The following MLLT6 variants were observed in gnomAD, a reference collection of about 807,000 sequenced individuals.
MLLT6 encodes the protein MLLT6, PHD finger containing, also known as protein AF-17.
Under a neutral mutation model 103.0 loss-of-function variants are expected in MLLT6, and 22 were observed. That is an observed-to-expected ratio of 0.21 (90% CI 0.15 to 0.31). The LOEUF is 0.31. Ranked by LOEUF, MLLT6 falls within the 10% of genes least tolerant of loss-of-function variation. MLLT6 has a pLI of 1.00. For missense variants in MLLT6, 1,199 were observed against 1,441.7 expected (o/e 0.83, Z 2.73); for synonymous variants, 606 against 623.5 (o/e 0.97, Z 0.42).
At position 38,720,513 on chromosome 17, in the gene MLLT6, C is replaced by T. The variant is rs1343118877; in HGVS notation, c.2297C>T (p.Ala766Val). The change falls in exon 15 of 20, where the codon GCT becomes GTT. Residue 766 changes from alanine (A) to valine (V), a missense_variant. Ala to Val is a moderately conservative substitution (Grantham distance 64). Coordinates refer to ENST00000621332, the MANE Select transcript of MLLT6 (RefSeq NM_005937.4). ...QLSVPFPALPAALPAANGPVP... is the reference protein window; with the variant it reads ...QLSVPFPALPVALPAANGPVP... ...TCTGTGCCCTTCCCTGCCCTGCCTG[C>T]TGCCCTGCCTGCCGCCAACGGCCCT... 2 of 1,612,022 alleles carry T rather than the reference C, an allele frequency of 1.2e-6. No homozygotes were observed. Among genetic ancestry groups the T allele is most frequent in the Admixed American group, 1.7e-5 (1 of 59,842 alleles).
rs757404801 is a variant in MLLT6 at position 38,726,588 on chromosome 17, T to C, written c.*990T>C. On this transcript the variant is annotated 3_prime_UTR_variant, in exon 20 of 20. Transcript: ENST00000621332. ...CAAACACCAGAGCAGTACTCCAATA[T>C]TGGAGAGTCGCTGGGGGCACAGGGC... The C allele has an allele frequency of 6.0e-5, 14 of 233,782 alleles. No individual in the cohort carries two copies. Among genetic ancestry groups the C allele is most frequent in the Admixed American group, 4.5e-4 (8 of 17,800 alleles). 14.5% of individuals were successfully genotyped at this position (233,782 alleles called of 1,614,324 possible).
At chr17:38,713,093 C>G (rs749405002) in intron 8 of MLLT6, 1 of 746,852 alleles carries the variant, frequency 1.3e-6, no homozygotes, top group African/African-American at 1.7e-5. Context: ...GGCACTCAGG[C>G]CTGCTCTCCA....
chr17:38,721,910 C>CTCG lies in MLLT6; in HGVS notation c.2479_2481dup (p.Ser827dup). 2 of 1,576,512 alleles carry CTCG rather than the reference C, an allele frequency of 1.3e-6. No individual in the cohort carries two copies. Among genetic ancestry groups the CTCG allele is most frequent in the Admixed American group, 1.7e-5 (1 of 57,638 alleles). On this transcript the variant is annotated inframe_insertion, in exon 17 of 20. Transcript: ENST00000621332. ...ACTCAGGCTGCCCGAGCCGCAGCAG[C>CTCG]TCGTCGCTGTCCTTCCACAGCACGC...
chr17:38,722,158 C>T lies in MLLT6; in HGVS notation c.2723C>T (p.Ala908Val), dbSNP rs1473862630. ...GLLGGLNGAA[A>V]PNPASLSQAG... Reference sequence around the variant, plus strand: ...CTTGGGGGGTTGAATGGGGCCGCTGCCCCCAACCCCGCAAGCTTGAGCCAG... The same window carrying T: ...CTTGGGGGGTTGAATGGGGCCGCTGTCCCCAACCCCGCAAGCTTGAGCCAG... Residue 908 changes from alanine (A) to valine (V), a missense_variant, in exon 17 of 20, where the codon GCC (alanine) becomes GTC (valine). Transcript: ENST00000621332. 5.8e-6 allele frequency: 8 copies of T among 1,371,030 alleles called. No individual in the cohort carries two copies. In the Admixed American group the frequency reaches 2.9e-4, roughly 49 times the overall value. The allele number at this position is 1,371,030 out of a possible 1,614,324, so 84.9% of individuals were successfully genotyped here. A position where few individuals can be genotyped will look rare whatever the true frequency, so the allele number is the denominator to read the frequency against.
intron 16 of MLLT6, 46 bp downstream of exon 16, chr17:38,720,793 G>T: frequency 1.3e-6 from 2 of 1,542,058 alleles, no homozygotes; most frequent in Non-Finnish European, 1.8e-6. Flanking sequence ...GAGACTCAAG[G>T]CTCTCCTGGT....
intron 6 of MLLT6, 62 bp from the exon 7 acceptor site, chr17:38,711,785 T>G: frequency 6.9e-7 from 1 of 1,454,906 alleles, no homozygotes; most frequent in Non-Finnish European, 9.1e-7. Context: ...TCTAACCTTC[T>G]GGAAGCGTTC....
Position 38,721,897 on chromosome 17 carries a change from C to A in MLLT6, c.2462C>A (p.Pro821Gln). The A allele has an allele frequency of 6.3e-7, 1 of 1,576,638 alleles. No individual in the cohort carries two copies. The highest frequency in any genetic ancestry group is 2.4e-5 in the East Asian group (1 of 41,732). Residue 821 changes from proline (P) to glutamine (Q), a missense_variant, in exon 17 of 20, where the codon CCG (proline) becomes CAG (glutamine). Transcript: ENST00000621332. ...CCCCAGGACCCACACTCAGGCTGCCCGAGCCGCAGCAGCTCGTCGCTGTCC... is the reference window on the plus strand; with the variant it reads ...CCCCAGGACCCACACTCAGGCTGCCAGAGCCGCAGCAGCTCGTCGCTGTCC... ...TSSEDPHSGC[P>Q]SRSSSSLSFH...
At chr17:38,721,575 C>T (rs1282121317) in intron 16 of MLLT6, among the ~76,000 whole-genome samples, 2 of 152,158 alleles carry the variant, frequency 1.3e-5, no homozygotes, top group Non-Finnish European at 2.9e-5. Context: ...ATGAGAATAG[C>T]AAGATAGCAC....
chr17:38,705,597 C>T lies in MLLT6; in HGVS notation c.-36C>T, dbSNP rs777188360. ...CTGACCCCCGACCCCCGCCGGCCGG[C>T]CCCCCGCCCCAGCCCCGGAGGGAGC... On this transcript the variant is annotated 5_prime_UTR_variant, in exon 1 of 20. Transcript: ENST00000621332. 1.9e-6 allele frequency: 2 copies of T among 1,051,918 alleles called. No individual in the cohort carries two copies. Among genetic ancestry groups the T allele is most frequent in the Non-Finnish European group, 1.3e-6 (1 of 748,312 alleles). 65.2% of individuals were successfully genotyped at this position (1,051,918 alleles called of 1,614,324 possible). A position where few individuals can be genotyped will look rare whatever the true frequency, so the allele number is the denominator to read the frequency against.
chr17:38,715,445 C>G, intron 8 of MLLT6, 167 bp from the exon 9 acceptor site: 2 of 1,215,828 alleles, frequency 1.6e-6, no homozygotes, highest in Non-Finnish European at 2.2e-6. Flanking sequence ...TCCCCATATC[C>G]CTGGTCTAGG....
rs1906213872 is a variant in MLLT6, at chr17:38,729,617, T to C, written c.*4019T>C. The C allele has an allele frequency of 4.3e-6, 1 of 231,708 alleles. No individual in the cohort carries two copies. Among genetic ancestry groups the C allele is most frequent in the Non-Finnish European group, 8.6e-6 (1 of 116,882 alleles). The allele number at this position is 231,708 out of a possible 1,614,324, so 14.4% of individuals were successfully genotyped here. ...ACCCAGGGGCTCCTTTTTCATTCTT[T>C]CTAAAACCTTGATATCCTCAGCCCA... is the stretch of plus-strand genomic sequence containing the variant. On this transcript the variant is annotated 3_prime_UTR_variant, in exon 20 of 20. Coordinates refer to ENST00000621332, the MANE Select transcript of MLLT6 (RefSeq NM_005937.4).
At position 38,727,651 on chromosome 17, in the gene MLLT6, C is replaced by T. The variant is rs190278663; in HGVS notation, c.*2053C>T. On this transcript the variant is annotated 3_prime_UTR_variant, in exon 20 of 20. Transcript: ENST00000621332. ...AACCCCGTCTCTATCAAAAATTAGC[C>T]GGGCATGGTGGCACGTGCCTGTAAT... 209 of 192,166 alleles carry T rather than the reference C, an allele frequency of 1.1e-3. No homozygotes were observed. Among genetic ancestry groups the T allele is most frequent in the Non-Finnish European group, 1.6e-3 (148 of 92,090 alleles). The allele number at this position is 192,166 out of a possible 1,614,324, so 11.9% of individuals were successfully genotyped here.
In MLLT6 at chr17:38,724,929, C is replaced by T. The variant is rs1270046639; in HGVS notation, c.3193C>T (p.Leu1065Phe). The T allele has an allele frequency of 6.4e-7, 1 of 1,551,002 alleles. No individual in the cohort carries two copies. The highest frequency in any genetic ancestry group is 8.7e-7 in the Non-Finnish European group (1 of 1,146,804). Residue 1065 changes from leucine to phenylalanine, a missense_variant, in exon 19 of 20, where the codon CTC becomes TTC. By Grantham distance (22) the Leu-to-Phe change is conservative. Around this residue, in one of 7 missense-constraint regions of MLLT6, gnomAD observed 55 missense variants for 93.3 expected, o/e 0.59. Coordinates refer to ENST00000621332, the MANE Select transcript of MLLT6 (RefSeq NM_005937.4). This position sits in a 1 kb window ranked among gnomAD's most constrained non-coding sequence, Gnocchi z 5.4. ...CCTCACTGCCCAGACCAACCCCTTC[C>T]TCAGCCTGTCGGGAGCAGAGGGCAG... ...PVLTAQTNPF[L>F]SLSGAEGSGG... is the part of the protein sequence containing the mutation.
rs1292123234 is a variant in MLLT6, at chr17:38,720,563, C to T, written c.2347C>T (p.Pro783Ser). Residue 783 changes from proline (P) to serine (S), a missense_variant, in exon 15 of 20, where the codon CCC (proline) becomes TCC (serine). This residue lies in a region of MLLT6 where 1,034 missense variants were observed against 1,091.5 expected (regional missense o/e 0.95). Coordinates refer to ENST00000621332, the MANE Select transcript of MLLT6 (RefSeq NM_005937.4). ...GPVPGPYGLP[P>S]QAGSSDSLST... is the part of the protein sequence containing the mutation. ...TGTCCCTGGGCCCTATGGCCTGCCT[C>T]CCCAAGGTGAGGGGATCCTGCCCAG... The T allele has an allele frequency of 1.9e-6, 3 of 1,612,272 alleles. No homozygotes were observed. Among genetic ancestry groups the T allele is most frequent in the East Asian group, 4.5e-5 (2 of 44,824 alleles).
At position 38,719,884 on chromosome 17, in the gene MLLT6, C is replaced by G. The variant is rs1413576950; in HGVS notation, c.2144C>G (p.Ala715Gly). The change falls in exon 14 of 20, where the codon GCC (alanine) becomes GGC (glycine). Residue 715 changes from alanine to glycine, a missense_variant. By Grantham distance (60) the Ala-to-Gly change is moderately conservative. Transcript: ENST00000621332. Reference protein sequence around the residue: ...QLLEKQGDGEAGVNIVEMLKA... With the variant: ...QLLEKQGDGEGGVNIVEMLKA... Reference sequence around the variant, plus strand: ...CTGGAGAAGCAGGGCGACGGGGAGGCCGGCGTCAACAGTGAGGAGGGGTGG... The same window carrying G: ...CTGGAGAAGCAGGGCGACGGGGAGGGCGGCGTCAACAGTGAGGAGGGGTGG... The G allele has an allele frequency of 6.3e-7, 1 of 1,583,196 alleles. No individual in the cohort carries two copies. Among genetic ancestry groups the G allele is most frequent in the South Asian group, 1.1e-5 (1 of 87,236 alleles).
intron 18 of MLLT6, among the ~76,000 whole-genome samples, chr17:38,723,626 C>T (rs1905873008): frequency 6.6e-6 from 1 of 151,938 alleles, no homozygotes; most frequent in South Asian, 2.1e-4. Flanking sequence ...TTAAGGTAAA[C>T]TTTGATATAT....
intron 14 of MLLT6, 103 bp downstream of exon 14, chr17:38,719,998 C>T: frequency 7.0e-7 from 1 of 1,426,532 alleles, no homozygotes; most frequent in Non-Finnish European, 9.3e-7. Context: ...CCTTAGGCCC[C>T]GCCCCAGCCT....
chr17:38,708,663 A>AG (rs1379996082), intron 4 of MLLT6, among the ~76,000 whole-genome samples: 1 of 152,178 alleles, frequency 6.6e-6, no homozygotes, highest in Non-Finnish European at 1.5e-5. Flanking sequence ...TGGGAGGCTG[A>AG]GGGGGGTGGA....
At chr17:38,718,066 C>A in intron 12 of MLLT6, 113 bp downstream of exon 12, 1 of 727,736 alleles carries the variant, frequency 1.4e-6, no homozygotes, top group Non-Finnish European at 2.3e-6. Context: ...CTCCCTCTGG[C>A]CATTGCCCTC....
Sources: allele counts gnomAD v4.1 joint callset (sites outside exome capture counted in the v4.1 genomes callset), GRCh38; gene constraint gnomAD v4.1.1; regional missense constraint gnomAD v4.1.1; non-coding constraint Gnocchi (gnomAD v3.1); transcripts MANE v1.5; gene names NCBI Gene and HGNC (gene_info 2026-07-23, HGNC 2026-07-21).